The following GABRA3 variants were observed in gnomAD, a reference collection of about 807,000 sequenced individuals.
GABRA3 encodes gamma-aminobutyric acid type A receptor subunit alpha3, also known as gamma-aminobutyric acid receptor subunit alpha-3.
Under a neutral mutation model 30.1 loss-of-function variants are expected in GABRA3, and 10 were observed. The ratio of observed to expected loss-of-function variants is 0.33; its 90% CI spans 0.20 to 0.56. GABRA3 has a LOEUF of 0.56. Ranked by LOEUF, GABRA3 falls within the 20% of genes least tolerant of loss-of-function variation. The pLI, the probability that GABRA3 is intolerant of heterozygous loss-of-function variation, is 0.89. For missense variants in GABRA3, 233 were observed against 392.0 expected (o/e 0.59, Z 3.42); for synonymous variants, 151 against 146.8 (o/e 1.03, Z -0.21).
chrX:152,214,130 T>G (rs1937673714), intron 6 of GABRA3, among the ~76,000 whole-genome samples: 1 of 111,162 alleles, frequency 9.0e-6, no homozygotes, highest in Admixed American at 9.6e-5. Flanking sequence ...TCTGTATCCA[T>G]GTGTATCCAT....
intron 3 of GABRA3, among the ~76,000 whole-genome samples, chrX:152,305,537 A>G (rs758778156): frequency 1.8e-5 from 2 of 111,937 alleles, no homozygotes; most frequent in Non-Finnish European, 3.8e-5. Flanking sequence ...GATTAAAAAG[A>G]ACACTTTTCC....
chrX:152,400,895 G>A (rs956947947), intron 1 of GABRA3, among the ~76,000 whole-genome samples: 2 of 111,308 alleles, frequency 1.8e-5, no homozygotes, highest in African/African-American at 6.5e-5. Context: ...TCTAAGAGCT[G>A]ATAAAGAAAA....
intron 3 of GABRA3, among the ~76,000 whole-genome samples, chrX:152,337,973 T>C (rs1191737938): frequency 1.8e-5 from 2 of 112,767 alleles, no homozygotes; most frequent in East Asian, 2.8e-4. Flanking sequence ...ATTTTGGCTA[T>C]TGTAAATAGT....
intron 1 of GABRA3, among the ~76,000 whole-genome samples, chrX:152,401,730 A>G (rs1337353282): frequency 8.9e-6 from 1 of 111,761 alleles, no homozygotes; most frequent in Non-Finnish European, 1.9e-5. Context: ...TGATGCCTCC[A>G]ATGTAGCACA....
chrX:152,279,773 C>CT (rs1221334861), intron 4 of GABRA3, among the ~76,000 whole-genome samples: 2 of 111,308 alleles, frequency 1.8e-5, no homozygotes, highest in Admixed American at 1.9e-4. Flanking sequence ...TGTTTGTATC[C>CT]TCTTTTATTT....
chrX:152,399,412 A>G (rs1429463516), intron 1 of GABRA3, among the ~76,000 whole-genome samples: 2 of 111,858 alleles, frequency 1.8e-5, no homozygotes, highest in Middle Eastern at 4.6e-3. Context: ...GGTGAAGCTC[A>G]GATTTTAAAA....
At chrX:152,252,931 C>T (rs1284626750) in intron 5 of GABRA3, among the ~76,000 whole-genome samples, 1 of 111,829 alleles carries the variant, frequency 8.9e-6, no homozygotes, top group Non-Finnish European at 1.9e-5. Flanking sequence ...CTGACACATA[C>T]TATTTACACT....
At chrX:152,406,175 C>G (rs772705328) in intron 1 of GABRA3, among the ~76,000 whole-genome samples, 1 of 109,599 alleles carries the variant, frequency 9.1e-6, no homozygotes, top group South Asian at 4.0e-4. Flanking sequence ...AGAGAGAGGA[C>G]CAACAAAACA....
intron 3 of GABRA3, among the ~76,000 whole-genome samples, chrX:152,345,099 C>T (rs1258445428): frequency 9.0e-6 from 1 of 111,181 alleles, no homozygotes; most frequent in Non-Finnish European, 1.9e-5. Flanking sequence ...GTTTTGAAAA[C>T]AAAGGCATGT....
chrX:152,425,372 T>A (rs1371870107), intron 1 of GABRA3, among the ~76,000 whole-genome samples: 2 of 111,123 alleles, frequency 1.8e-5, no homozygotes, highest in African/African-American at 6.5e-5. Context: ...ATTGTCCCAA[T>A]AACGCTCTCT....
chrX:152,265,814 T>C (rs1461098016), intron 4 of GABRA3, among the ~76,000 whole-genome samples: 2 of 110,909 alleles, frequency 1.8e-5, no homozygotes, highest in Non-Finnish European at 3.8e-5. Context: ...TTAAAACTGA[T>C]AAGGAAGAAA....
At chrX:152,394,726 T>C (rs912514650) in intron 1 of GABRA3, among the ~76,000 whole-genome samples, 2 of 112,293 alleles carry the variant, frequency 1.8e-5, no homozygotes, top group Non-Finnish European at 3.8e-5. Flanking sequence ...ACAAATTCAT[T>C]ATGTATGTTT....
intron 5 of GABRA3, among the ~76,000 whole-genome samples, chrX:152,241,285 G>A (rs753881913): frequency 4.6e-4 from 40 of 87,172 alleles, no homozygotes; most frequent in Non-Finnish European, 4.9e-4. Context: ...CCCCTGCTGG[G>A]GGGTGCCTCC....
intron 7 of GABRA3, among the ~76,000 whole-genome samples, chrX:152,200,054 C>G (rs1408964039): frequency 8.9e-6 from 1 of 112,047 alleles, no homozygotes; most frequent in Non-Finnish European, 1.9e-5. Flanking sequence ...ATTCATAGTA[C>G]AGCTGCCAGA....
At chrX:152,364,218 G>T (rs775358159) in intron 2 of GABRA3, among the ~76,000 whole-genome samples, 46 of 111,478 alleles carry the variant, frequency 4.1e-4, no homozygotes, top group African/African-American at 1.4e-3. Context: ...GGTGATTCAA[G>T]CCTGGGCCAG....
At chrX:152,302,513 A>T (rs773793769) in intron 3 of GABRA3, among the ~76,000 whole-genome samples, 1 of 111,488 alleles carries the variant, frequency 9.0e-6, no homozygotes, top group East Asian at 2.8e-4. Flanking sequence ...TGGGACCCAA[A>T]TCTAAACACA....
At chrX:152,445,531 A>G (rs1931067652) in intron 1 of GABRA3, among the ~76,000 whole-genome samples, 1 of 111,620 alleles carries the variant, frequency 9.0e-6, no homozygotes, top group Non-Finnish European at 1.9e-5. Flanking sequence ...GTGCATTTCA[A>G]TGACCCCTTC....
chrX:152,201,568 GA>G (rs1937485003), intron 7 of GABRA3, among the ~76,000 whole-genome samples: 1 of 111,444 alleles, frequency 9.0e-6, no homozygotes, highest in African/African-American at 3.3e-5. Flanking sequence ...TGATTTGGGG[GA>G]ATTTTCTCCT....
intron 1 of GABRA3, among the ~76,000 whole-genome samples, chrX:152,377,211 A>C (rs1179954868): frequency 9.0e-6 from 1 of 111,528 alleles, no homozygotes. Flanking sequence ...TTTGTACTGT[A>C]CTCTTCTGTG....
Sources: gnomAD v4.1 joint callset for allele counts (sites outside exome capture counted in the v4.1 genomes callset) on GRCh38, gnomAD v4.1.1 for gene constraint, MANE v1.5 for transcripts, NCBI Gene and HGNC (gene_info 2026-07-23, HGNC 2026-07-21) for gene names.